Variants in IQGAP2 observed in about 807,000 individuals in gnomAD.
IQGAP2 encodes the protein IQ motif containing GTPase activating protein 2.
In IQGAP2, 173 loss-of-function variants were observed where a neutral mutation model predicts 201.3. That is an observed-to-expected ratio of 0.86 (90% CI 0.76 to 0.98). The LOEUF (loss-of-function observed/expected upper bound fraction) is 0.98. Ranked by LOEUF, IQGAP2 falls within the 50% of genes least tolerant of loss-of-function variation. IQGAP2 has a pLI of 0.00. For synonymous variants in IQGAP2, 675 were observed against 673.9 expected, an observed-to-expected ratio of 1.00 and a Z score of -0.03; for missense variants, 1,687 against 1,864.8, an observed-to-expected ratio of 0.90 and a Z score of 1.76.
chr5:76,602,861 C>T (rs1474733655), intron 11 of IQGAP2, among the ~76,000 whole-genome samples: 2 of 152,176 alleles, frequency 1.3e-5, no homozygotes, highest in African/African-American at 4.8e-5. Context: ...GCCACCTTGA[C>T]AAATTCATGC....
rs1750741580 is a variant in IQGAP2 at position 76,631,923 on chromosome 5, T to A, written c.1677T>A (p.Ser559=). ...GAAAAAAATCAAGTGATATTTTGTCTGTATTGAAGTCTTCCACTTCTAATG... is the reference window on the plus strand; with the variant it reads ...GAAAAAAATCAAGTGATATTTTGTCAGTATTGAAGTCTTCCACTTCTAATG... The part of the protein sequence containing the change: ...LEGKKSSDIL[S]VLKSSTSNAN... The change falls in exon 15 of 36, where the codon TCT becomes TCA. Residue 559 remains serine (S), a synonymous_variant. Coordinates refer to ENST00000274364, the MANE Select transcript of IQGAP2 (RefSeq NM_006633.5). 1 of 1,610,650 alleles carries A rather than the reference T, an allele frequency of 6.2e-7. No homozygotes were observed. Among genetic ancestry groups the A allele is most frequent in the African/African-American group, 1.3e-5 (1 of 74,834 alleles).
At chr5:76,565,378 G>C (rs1744674394) in intron 3 of IQGAP2, among the ~76,000 whole-genome samples, 1 of 152,224 alleles carries the variant, frequency 6.6e-6, no homozygotes, top group South Asian at 2.1e-4. Context: ...CAGTTAGGCA[G>C]ACAGGAGCTT....
intron 1 of IQGAP2, among the ~76,000 whole-genome samples, chr5:76,423,274 T>A (rs1751822263): frequency 6.6e-6 from 1 of 152,188 alleles, no homozygotes; most frequent in Non-Finnish European, 1.5e-5. Flanking sequence ...AGCTGTGAGT[T>A]ACTGGGGTTG....
chr5:76,529,174 T>A (rs1200879368), intron 2 of IQGAP2, among the ~76,000 whole-genome samples: 1 of 152,198 alleles, frequency 6.6e-6, no homozygotes, highest in African/African-American at 2.4e-5. Flanking sequence ...ATGACTGATA[T>A]CTGGTTAGTT....
chr5:76,427,505 G>C lies in IQGAP2; in HGVS notation c.46+23914G>C, dbSNP rs188660886. ...TTCTGCCGGGAATAGGATTATGCTT[G>C]TTCCCACAACTTAAAACTATTTTTT... is the stretch of plus-strand genomic sequence containing the variant. On this transcript the variant is annotated intron_variant, in intron 1 of 35. Coordinates refer to ENST00000274364, the MANE Select transcript of IQGAP2 (RefSeq NM_006633.5). Among the ~76,000 whole-genome samples the C allele has an allele frequency of 9.4e-4, 143 of 152,282 alleles. 1 individual carries two copies. The highest frequency in any genetic ancestry group is 3.1e-3 in the African/African-American group (129 of 41,556).
intron 2 of IQGAP2, among the ~76,000 whole-genome samples, chr5:76,515,617 T>G (rs1225486809): frequency 1.3e-5 from 2 of 152,182 alleles, no homozygotes. Context: ...AGGAACAAAT[T>G]TGTTTCTTAT....
intron 5 of IQGAP2, among the ~76,000 whole-genome samples, chr5:76,581,251 T>C (rs971995201): frequency 1.3e-5 from 2 of 152,260 alleles, no homozygotes; most frequent in African/African-American, 4.8e-5. Context: ...CTTAACACTC[T>C]GTTCCCTTAG....
chr5:76,431,499 G>C (rs1752363620), intron 1 of IQGAP2, among the ~76,000 whole-genome samples: 1 of 152,034 alleles, frequency 6.6e-6, no homozygotes, highest in Non-Finnish European at 1.5e-5. Context: ...TGCTTTGTTT[G>C]GCATGCTTTG....
intron 2 of IQGAP2, among the ~76,000 whole-genome samples, chr5:76,472,400 G>T (rs193201243): frequency 1.4e-3 from 213 of 152,330 alleles, no homozygotes; most frequent in Middle Eastern, 6.8e-3. Flanking sequence ...AGGGCCAGCT[G>T]GCGGTGACCA....
chr5:76,493,283 C>T (rs1658197209), intron 2 of IQGAP2, among the ~76,000 whole-genome samples: 1 of 151,748 alleles, frequency 6.6e-6, no homozygotes, highest in African/African-American at 2.4e-5. Flanking sequence ...GCCCGCCCCT[C>T]ACCACCCCTC....
chr5:76,593,973 A>C (rs1330589392), intron 9 of IQGAP2, among the ~76,000 whole-genome samples: 3 of 152,228 alleles, frequency 2.0e-5, no homozygotes, highest in African/African-American at 7.2e-5. Flanking sequence ...GGGTTAATGT[A>C]AATGTCTAGG....
chr5:76,545,056 ATC>A (rs1335684708), intron 2 of IQGAP2, among the ~76,000 whole-genome samples: 1 of 152,090 alleles, frequency 6.6e-6, no homozygotes, highest in Admixed American at 6.6e-5. Context: ...CTATATAGTT[ATC>A]TCTACATATA....
chr5:76,699,606 TCTCTC>T, intron 33 of IQGAP2: 1 of 5,440 alleles, frequency 1.8e-4, no homozygotes, highest in Admixed American at 2.1e-3. Flanking sequence ...TCTCTCTGTT[TCTCTC>T]TCTCTCTCTC....
intron 27 of IQGAP2, among the ~76,000 whole-genome samples, chr5:76,675,532 C>G (rs1561580528): frequency 6.6e-6 from 1 of 152,164 alleles, no homozygotes; most frequent in Non-Finnish European, 1.5e-5. Flanking sequence ...TATCACTAAT[C>G]ATTAACAAGA....
intron 1 of IQGAP2, among the ~76,000 whole-genome samples, chr5:76,449,834 A>G (rs1043590228): frequency 1.3e-5 from 2 of 152,216 alleles, no homozygotes; most frequent in African/African-American, 4.8e-5. Context: ...GGGAATTTAC[A>G]TACAGTACCA....
chr5:76,538,078 C>A (rs1759726388), intron 2 of IQGAP2, among the ~76,000 whole-genome samples: 1 of 152,176 alleles, frequency 6.6e-6, no homozygotes, highest in Admixed American at 6.5e-5. Flanking sequence ...CTCACAGTTC[C>A]ACATGCGGCT....
chr5:76,519,965 T>C (rs1289274742), intron 2 of IQGAP2, among the ~76,000 whole-genome samples: 1 of 152,204 alleles, frequency 6.6e-6, no homozygotes, highest in Non-Finnish European at 1.5e-5. Context: ...AAGCAAGTAT[T>C]TTCTTTTAGT....
chr5:76,658,384 A>T, intron 20 of IQGAP2, 75 bp from the exon 21 acceptor site: 1 of 1,204,044 alleles, frequency 8.3e-7, no homozygotes, highest in Non-Finnish European at 1.2e-6. Context: ...GTAATTATTT[A>T]AGACCTTGTT....
At chr5:76,573,383 CA>C (rs1745249594) in intron 4 of IQGAP2, among the ~76,000 whole-genome samples, 1 of 152,148 alleles carries the variant, frequency 6.6e-6, no homozygotes. Flanking sequence ...CTTCATTTAT[CA>C]ATATTAAGTG....
Sources: gnomAD v4.1 joint callset for allele counts (sites outside exome capture counted in the v4.1 genomes callset) on GRCh38, gnomAD v4.1.1 for gene constraint, MANE v1.5 for transcripts, NCBI Gene and HGNC (gene_info 2026-07-23, HGNC 2026-07-21) for gene names.